ULK2: variants seen among roughly 807,000 people sequenced by gnomAD.
ULK2 encodes unc-51 like autophagy activating kinase 2, also known as serine/threonine-protein kinase ULK2.
In ULK2, 76 loss-of-function variants were observed where a neutral mutation model predicts 127.5. The ratio of observed to expected loss-of-function variants is 0.60; its 90% CI spans 0.50 to 0.72. The LOEUF is 0.72. Among genes scored for constraint, ULK2 ranks in the 30% least tolerant of loss-of-function variants. The probability of loss-of-function intolerance (pLI) is 0.00; values close to 1 mark genes in which losing one functional copy is unlikely to be tolerated. For synonymous variants in ULK2, 452 were observed against 461.9 expected, an observed-to-expected ratio of 0.98 and a Z score of 0.28; for missense variants, 1,144 against 1,295.9, an observed-to-expected ratio of 0.88 and a Z score of 1.80.
intron 20 of ULK2, among the ~76,000 whole-genome samples, chr17:19,786,312 A>ATT (rs2152382924): frequency 6.6e-6 from 1 of 152,298 alleles, no homozygotes; most frequent in East Asian, 1.9e-4. Flanking sequence ...TCACACCAAA[A>ATT]TTTAGCATTC....
Position 19,780,633 on chromosome 17 carries a change from A to C in ULK2, c.2759-4T>G. The C allele has an allele frequency of 1.9e-6, 3 of 1,590,022 alleles. No homozygotes were observed. Among genetic ancestry groups the C allele is most frequent in the Non-Finnish European group, 2.6e-6 (3 of 1,169,210 alleles). The stretch of plus-strand genomic sequence containing the variant: ...CGTTCGTTCAGATTCTTGACAACTG[A>C]AAAAAAATTGAGATGGGAACTAATT... On this transcript the variant is annotated splice_polypyrimidine_tract_variant and splice_region_variant and intron_variant, in intron 24 of 26. Transcript: ENST00000395544.
intron 10 of ULK2, among the ~76,000 whole-genome samples, chr17:19,826,797 G>A (rs157399): frequency 0.96 from 146,166 of 152,140 alleles, 70,402 homozygotes; most frequent in African/African-American, 0.99. Flanking sequence ...CTCTACTAAA[G>A]ATACAAAAAA....
chr17:19,794,871 G>A (rs1049052088), intron 20 of ULK2, among the ~76,000 whole-genome samples: 6 of 152,118 alleles, frequency 3.9e-5, no homozygotes, highest in South Asian at 2.1e-4. Context: ...GAGGTCAGGA[G>A]ATCGAGACCA....
chr17:19,856,341 G>A (rs1204386475), intron 3 of ULK2, among the ~76,000 whole-genome samples: 1 of 152,086 alleles, frequency 6.6e-6, no homozygotes, highest in Non-Finnish European at 1.5e-5. Flanking sequence ...CCAGCACTTT[G>A]GGAGGCCGAG....
chr17:19,816,952 C>A, intron 12 of ULK2, 32 bp from the exon 13 acceptor site: 1 of 1,572,198 alleles, frequency 6.4e-7, no homozygotes, highest in South Asian at 1.2e-5. Context: ...TAAAACTGGT[C>A]TAATAATCAA....
At chr17:19,856,537 G>A (rs1171441645) in intron 3 of ULK2, among the ~76,000 whole-genome samples, 7 of 151,696 alleles carry the variant, frequency 4.6e-5, no homozygotes, top group East Asian at 1.9e-4. Flanking sequence ...AGCCGAGATC[G>A]CGCCACTGCA....
intron 10 of ULK2, among the ~76,000 whole-genome samples, chr17:19,827,034 AT>A (rs2152393269): frequency 6.6e-6 from 1 of 152,282 alleles, no homozygotes; most frequent in South Asian, 2.1e-4. Context: ...TTGTTTCACT[AT>A]TGACCATAAT....
At chr17:19,791,672 G>A (rs757931364) in intron 20 of ULK2, among the ~76,000 whole-genome samples, 9 of 151,706 alleles carry the variant, frequency 5.9e-5, no homozygotes, top group Non-Finnish European at 8.8e-5. Context: ...GCAACAGAGC[G>A]AAACTCTGTC....
intron 15 of ULK2, 99 bp from the exon 16 acceptor site, chr17:19,802,021 C>A: frequency 7.5e-7 from 1 of 1,337,630 alleles, no homozygotes; most frequent in Non-Finnish European, 1.0e-6. Flanking sequence ...GAGTAGTTTT[C>A]AAAAATATGT....
At chr17:19,825,411 G>C (rs1567705076) in intron 11 of ULK2, among the ~76,000 whole-genome samples, 1 of 151,678 alleles carries the variant, frequency 6.6e-6, no homozygotes, top group Non-Finnish European at 1.5e-5. Context: ...CACAACCGTA[G>C]GTATCTAAGA....
chr17:19,796,762 T>A (rs1163884768), intron 18 of ULK2, among the ~76,000 whole-genome samples: 1 of 152,114 alleles, frequency 6.6e-6, no homozygotes, highest in Non-Finnish European at 1.5e-5. Flanking sequence ...TTGGAGTGCA[T>A]TTTTTCATCC....
At chr17:19,849,325 T>C (rs777342926) in intron 5 of ULK2, 44 bp downstream of exon 5, 34 of 1,578,010 alleles carry the variant, frequency 2.2e-5, no homozygotes, top group Non-Finnish European at 2.9e-5. Flanking sequence ...TTAAACAGGC[T>C]GCAGCACTGT....
At chr17:19,813,970 G>A (rs2040903894) in intron 13 of ULK2, among the ~76,000 whole-genome samples, 1 of 152,060 alleles carries the variant, frequency 6.6e-6, no homozygotes, top group South Asian at 2.1e-4. Flanking sequence ...TGGGGGGAAA[G>A]GGCCAAGAAT....
At chr17:19,865,692 T>G in intron 2 of ULK2, 44 bp downstream of exon 2, 1 of 1,185,568 alleles carries the variant, frequency 8.4e-7, no homozygotes, top group Non-Finnish European at 1.2e-6. Flanking sequence ...TCATTTAAAT[T>G]AAGTTTTAAC....
Position 19,804,402 on chromosome 17 carries a change from C to T in ULK2, c.1295+291G>A, listed in dbSNP as rs566039180. 4.6e-5 allele frequency among the ~76,000 whole-genome samples: 7 copies of T among 151,926 alleles called. No individual in the cohort carries two copies. The East Asian group carries it at 5.8e-4, about 13-fold the overall frequency. ...GGATTTCATTTTTTAATAAGTTCTT[C>T]CTCAATTCTTAAAAGTAATTATACA... On this transcript the variant is annotated intron_variant, in intron 15 of 26. Coordinates refer to ENST00000395544, the MANE Select transcript of ULK2 (RefSeq NM_014683.4).
chr17:19,858,012 C>T (rs1487726226), intron 3 of ULK2, among the ~76,000 whole-genome samples: 1 of 152,054 alleles, frequency 6.6e-6, no homozygotes, highest in Non-Finnish European at 1.5e-5. Context: ...ATATCATTTC[C>T]CCAGGAAGCC....
In ULK2 at chr17:19,845,206, T is replaced by A. The variant is rs937540075; in HGVS notation, c.543+98A>T. 3.0e-5 allele frequency: 32 copies of A among 1,064,860 alleles called. No individual in the cohort carries two copies. The Admixed American group carries it at 3.7e-4, about 12-fold the overall frequency. 66.0% of individuals were successfully genotyped at this position (1,064,860 alleles called of 1,614,324 possible). ...ATTAGTAATAACAACTTGGACTATA[T>A]GTAAAATCACATCTTATTTGGAAGC... On this transcript the variant is annotated intron_variant, in intron 7 of 26. Coordinates refer to ENST00000395544, the MANE Select transcript of ULK2 (RefSeq NM_014683.4).
rs1425756934 is a variant in ULK2 at position 19,810,352 on chromosome 17, T to C, written c.1157+26A>G. 7 of 1,489,022 alleles carry C rather than the reference T, an allele frequency of 4.7e-6. No homozygotes were observed. The East Asian group carries it at 1.4e-4, about 29-fold the overall frequency. The allele number at this position is 1,489,022 out of a possible 1,614,324, so 92.2% of individuals were successfully genotyped here. A position where few individuals can be genotyped will look rare whatever the true frequency, so the allele number is the denominator to read the frequency against. On this transcript the variant is annotated intron_variant, in intron 14 of 26. Coordinates refer to ENST00000395544, the MANE Select transcript of ULK2 (RefSeq NM_014683.4). Reference sequence around the variant, plus strand: ...CAAAAATAAAATATAAAACAAATTTTAATAAGATAATGTAAATATACATAC... The same window carrying C: ...CAAAAATAAAATATAAAACAAATTTCAATAAGATAATGTAAATATACATAC...
chr17:19,807,561 G>A (rs2087539824), intron 14 of ULK2, among the ~76,000 whole-genome samples: 1 of 152,114 alleles, frequency 6.6e-6, no homozygotes, highest in Non-Finnish European at 1.5e-5. Flanking sequence ...ACTAAGAAGT[G>A]CTGCTTTAGA....
Sources: gnomAD v4.1 joint callset for allele counts (sites outside exome capture counted in the v4.1 genomes callset) on GRCh38, gnomAD v4.1.1 for gene constraint, MANE v1.5 for transcripts, NCBI Gene and HGNC (gene_info 2026-07-23, HGNC 2026-07-21) for gene names.